The following EPB41L4A variants were observed in gnomAD, a reference collection of about 807,000 sequenced individuals.
The protein encoded by EPB41L4A is band 4.1-like protein 4A.
EPB41L4A carries 100 observed loss-of-function variants against 108.6 expected under a neutral mutation model. That is an observed-to-expected ratio of 0.92 (90% CI 0.78 to 1.09). The LOEUF (loss-of-function observed/expected upper bound fraction) is 1.09, where lower values mean the gene tolerates loss of function less well. Ranked by LOEUF, EPB41L4A falls within the 50% of genes least tolerant of loss-of-function variation. The pLI is 0.00. For synonymous variants in EPB41L4A, 319 were observed against 289.0 expected, an observed-to-expected ratio of 1.10 and a Z score of -1.05; for missense variants, 1,030 against 842.7, an observed-to-expected ratio of 1.22 and a Z score of -2.75.
chr5:112,222,508 T>C (rs1004498261), intron 12 of EPB41L4A, among the ~76,000 whole-genome samples: 5 of 152,138 alleles, frequency 3.3e-5, no homozygotes, highest in African/African-American at 1.2e-4. Flanking sequence ...GGAAATCAGC[T>C]CAAATTAGAA....
intron 1 of EPB41L4A, among the ~76,000 whole-genome samples, chr5:112,394,967 C>T (rs1419340284): frequency 1.3e-5 from 2 of 152,114 alleles, no homozygotes; most frequent in Admixed American, 6.5e-5. Flanking sequence ...TGATCTTTGA[C>T]AAACCTGACA....
chr5:112,269,018 AC>A (rs1188714260), intron 4 of EPB41L4A, among the ~76,000 whole-genome samples: 3 of 148,646 alleles, frequency 2.0e-5, no homozygotes, highest in Non-Finnish European at 4.6e-5. Flanking sequence ...ACAAACACAT[AC>A]AAAGAAACAG....
At chr5:112,229,653 T>TA (rs2150354736) in intron 12 of EPB41L4A, among the ~76,000 whole-genome samples, 1 of 152,196 alleles carries the variant, frequency 6.6e-6, no homozygotes, top group African/African-American at 2.4e-5. Context: ...AATGAGATCA[T>TA]ATAATATTTG....
intron 21 of EPB41L4A, 39 bp downstream of exon 21, chr5:112,168,956 G>A: frequency 6.5e-7 from 1 of 1,533,702 alleles, no homozygotes; most frequent in East Asian, 2.2e-5. Context: ...CTGTTTTGGA[G>A]CCATGATGGT....
chr5:112,226,211 T>C (rs1748439905), intron 12 of EPB41L4A, among the ~76,000 whole-genome samples: 1 of 152,244 alleles, frequency 6.6e-6, no homozygotes, highest in South Asian at 2.1e-4. Context: ...AATGGATATT[T>C]AGGTAGTTTC....
At chr5:112,209,164 A>G (rs187469323) in intron 13 of EPB41L4A, among the ~76,000 whole-genome samples, 17 of 152,378 alleles carry the variant, frequency 1.1e-4, no homozygotes, top group South Asian at 2.1e-4. Context: ...TGCAGGTCAC[A>G]TATCTCTGAT....
At chr5:112,325,518 T>C (rs1400511420) in intron 1 of EPB41L4A, among the ~76,000 whole-genome samples, 1 of 152,040 alleles carries the variant, frequency 6.6e-6, no homozygotes, top group Non-Finnish European at 1.5e-5. Flanking sequence ...ACTTTAGCTA[T>C]AAAAGCAGAG....
intron 1 of EPB41L4A, among the ~76,000 whole-genome samples, chr5:112,412,499 T>C (rs1762469224): frequency 6.6e-6 from 1 of 152,228 alleles, no homozygotes; most frequent in Non-Finnish European, 1.5e-5. Flanking sequence ...ATCACATTTT[T>C]TACAATGGTA....
chr5:112,363,629 G>A (rs74972623), intron 1 of EPB41L4A: 4,239 of 152,424 alleles, frequency 0.028, 84 homozygotes, highest in South Asian at 0.062. Context: ...CACCATCAAT[G>A]TGAGATCCTG....
intron 1 of EPB41L4A, among the ~76,000 whole-genome samples, chr5:112,379,974 C>A (rs1760058029): frequency 6.6e-6 from 1 of 152,196 alleles, no homozygotes; most frequent in Non-Finnish European, 1.5e-5. Context: ...CATACAATTT[C>A]TCTATTTTAT....
At chr5:112,191,287 C>T (rs1761686583) in intron 17 of EPB41L4A, among the ~76,000 whole-genome samples, 1 of 152,080 alleles carries the variant, frequency 6.6e-6, no homozygotes, top group South Asian at 2.1e-4. Context: ...AGTTAGGGCA[C>T]AATTAACACA....
rs569123815 is a variant in EPB41L4A, at chr5:112,272,266, G to A, written c.335+3060C>T. On this transcript the variant is annotated intron_variant, in intron 4 of 22. Coordinates refer to ENST00000261486, the MANE Select transcript of EPB41L4A (RefSeq NM_022140.5). ...TCTCCTGCCTCAGCCTCCCAAGCAG[G>A]AGTAACCGGGAGTACAGGTGCCCGC... 1.7e-4 allele frequency among the ~76,000 whole-genome samples: 25 copies of A among 150,928 alleles called. No individual in the cohort carries two copies. The East Asian group carries it at 4.8e-3, about 29-fold the overall frequency.
intron 4 of EPB41L4A, among the ~76,000 whole-genome samples, chr5:112,266,544 A>T (rs1751875259): frequency 6.6e-6 from 1 of 152,202 alleles, no homozygotes; most frequent in South Asian, 2.1e-4. Flanking sequence ...GCGGCTTTCA[A>T]GTTCAACTGC....
intron 1 of EPB41L4A, among the ~76,000 whole-genome samples, chr5:112,338,114 C>A (rs1431104889): frequency 2.0e-5 from 3 of 152,158 alleles, no homozygotes; most frequent in Admixed American, 2.0e-4. Flanking sequence ...TTCTAAAACA[C>A]AAGCAGTGTT....
intron 1 of EPB41L4A, among the ~76,000 whole-genome samples, chr5:112,338,301 C>T (rs1270653722): frequency 6.6e-6 from 1 of 152,142 alleles, no homozygotes; most frequent in Non-Finnish European, 1.5e-5. Flanking sequence ...CCCTTCAAAC[C>T]TTCAAAGAAG....
chr5:112,226,003 A>C, intron 12 of EPB41L4A, among the ~76,000 whole-genome samples: 1 of 152,206 alleles, frequency 6.6e-6, no homozygotes. Context: ...ATGCTCAGCG[A>C]TCATTAGTCC....
At chr5:112,159,558 C>A (rs192143893), downstream of EPB41L4A, among the ~76,000 whole-genome samples, 11 of 152,332 alleles carry the variant, frequency 7.2e-5, no homozygotes, top group Non-Finnish European at 1.2e-4. Flanking sequence ...AAGTGCCTTG[C>A]TCCTGCCTGG....
At chr5:112,300,066 G>A (rs929778911) in intron 2 of EPB41L4A, among the ~76,000 whole-genome samples, 1 of 152,170 alleles carries the variant, frequency 6.6e-6, no homozygotes, top group African/African-American at 2.4e-5. Flanking sequence ...CTTGAAGGCA[G>A]CAGATACCTG....
At chr5:112,380,491 A>T (rs1408014805) in intron 1 of EPB41L4A, among the ~76,000 whole-genome samples, 1 of 152,118 alleles carries the variant, frequency 6.6e-6, no homozygotes, top group Non-Finnish European at 1.5e-5. Flanking sequence ...CATAGATGCT[A>T]CTTTTTCTCA....
Sources: allele counts gnomAD v4.1 joint callset (sites outside exome capture counted in the v4.1 genomes callset), GRCh38; gene constraint gnomAD v4.1.1; transcripts MANE v1.5; gene names NCBI Gene and HGNC (gene_info 2026-07-23, HGNC 2026-07-21).